CUX1: variants seen among roughly 807,000 people sequenced by gnomAD.
CUX1 encodes protein CASP.
A neutral mutation model predicts 158.8 loss-of-function variants in CUX1; 31 were observed. The ratio of observed to expected loss-of-function variants is 0.20; its 90% confidence interval spans 0.15 to 0.26. The LOEUF is 0.26. Ranked by LOEUF, CUX1 falls within the 10% of genes least tolerant of loss-of-function variation. CUX1 has a pLI of 1.00. For missense variants in CUX1, 1,589 were observed against 2,014.6 expected (o/e 0.79, Z 4.04); for synonymous variants, 879 against 862.1 (o/e 1.02, Z -0.34).
intron 8 of CUX1, among the ~76,000 whole-genome samples, chr7:102,152,299 T>C (rs1429901128): frequency 6.6e-6 from 1 of 152,304 alleles, no homozygotes; most frequent in African/African-American, 2.4e-5. Context: ...GAGGCTGCAG[T>C]GAGCTATGAT....
intron 2 of CUX1, among the ~76,000 whole-genome samples, chr7:102,020,042 T>C (rs1289797812): frequency 6.6e-6 from 1 of 152,184 alleles, no homozygotes; most frequent in African/African-American, 2.4e-5. Context: ...ACTGTAAAAA[T>C]AGGTCAAGAA....
chr7:102,175,970 G>T (rs1318255466), intron 10 of CUX1, among the ~76,000 whole-genome samples: 1 of 152,212 alleles, frequency 6.6e-6, no homozygotes, highest in Non-Finnish European at 1.5e-5. Context: ...TTGCAAATTG[G>T]CAACGATCCC....
In CUX1 at chr7:102,258,126, A is replaced by G. The variant is rs576675498; in HGVS notation, c.*9084A>G. The G allele has an allele frequency of 1.0e-6, 1 of 985,334 alleles. No homozygotes were observed. The highest frequency in any genetic ancestry group is 4.7e-5 in the South Asian group (1 of 21,288). The allele number at this position is 985,334 out of a possible 1,614,324, so 61.0% of individuals were successfully genotyped here. A position where few individuals can be genotyped will look rare whatever the true frequency, so the allele number is the denominator to read the frequency against. ...TTCTCAGCACTGTACAACGGTCCCT[A>G]TATAATACGGAGAAGCAATATCACT... On this transcript the variant is annotated 3_prime_UTR_variant, in exon 24 of 24. Coordinates refer to ENST00000292535, the MANE Select transcript of CUX1 (RefSeq NM_181552.4).
At chr7:101,972,437 G>T (rs546207325) in intron 2 of CUX1, among the ~76,000 whole-genome samples, 2 of 152,158 alleles carry the variant, frequency 1.3e-5, no homozygotes, top group African/African-American at 2.4e-5. Context: ...TTGCCTCCTC[G>T]GACGGCATCT....
intron 19 of CUX1, chr7:102,280,688 G>T: frequency 9.8e-7 from 1 of 1,015,302 alleles, no homozygotes. Flanking sequence ...GCCCCCTGGG[G>T]GTCTGCAAGA....
intron 3 of CUX1, among the ~76,000 whole-genome samples, chr7:102,052,541 T>C (rs1325473053): frequency 6.6e-6 from 1 of 152,216 alleles, no homozygotes; most frequent in Non-Finnish European, 1.5e-5. Flanking sequence ...TATCAGCTGA[T>C]GGCCATTTGG....
chr7:101,922,671 G>T (rs1290588753), intron 2 of CUX1, among the ~76,000 whole-genome samples: 1 of 152,140 alleles, frequency 6.6e-6, no homozygotes, highest in Non-Finnish European at 1.5e-5. Context: ...GAGGGAGGAG[G>T]GGGGATTCTA....
At chr7:102,080,124 G>A (rs782325487) in intron 4 of CUX1, among the ~76,000 whole-genome samples, 4 of 152,154 alleles carry the variant, frequency 2.6e-5, no homozygotes, top group Non-Finnish European at 4.4e-5. Context: ...AGGTTTTGCC[G>A]GCTGCCGTCC....
chr7:102,000,103 T>C (rs1816499029), intron 2 of CUX1, among the ~76,000 whole-genome samples: 1 of 152,072 alleles, frequency 6.6e-6, no homozygotes, highest in Non-Finnish European at 1.5e-5. Context: ...GTAATCCCAG[T>C]TACTCAGAAG....
intron 2 of CUX1, among the ~76,000 whole-genome samples, chr7:102,021,497 G>A (rs531257641): frequency 2.8e-4 from 43 of 152,060 alleles, no homozygotes; most frequent in Non-Finnish European, 4.7e-4. Context: ...TTCTAGAGAC[G>A]GGATTTCACC....
intron 2 of CUX1, among the ~76,000 whole-genome samples, chr7:101,986,044 G>A (rs750356396): frequency 1.9e-4 from 29 of 152,342 alleles, no homozygotes; most frequent in Admixed American, 1.6e-3. Context: ...GACCTGGGCT[G>A]CCCCAGATCT....
In CUX1 at chr7:102,239,396, C is replaced by G; in HGVS notation, c.3699C>G (p.Ser1233Arg). Residue 1233 changes from serine (S) to arginine (R), a missense_variant, in exon 23 of 24, where the codon AGC becomes AGG. This residue lies in a region of CUX1 where 259 missense variants were observed against 373.8 expected (regional missense o/e 0.69). Transcript: ENST00000292535. ...CGCCCTCTGTCGGCACCGAGTACAG[C>G]CAGGGCGCCAGCCCCCAGCCCCAGC... Reference protein sequence around the residue: ...CEPPSVGTEYSQGASPQPQHQ... With the variant: ...CEPPSVGTEYRQGASPQPQHQ... 6.2e-7 allele frequency: 1 copy of G among 1,613,484 alleles called. No individual in the cohort carries two copies. The highest frequency in any genetic ancestry group is 1.1e-5 in the South Asian group (1 of 91,082).
At chr7:102,172,545 C>T (rs392286) in intron 10 of CUX1, among the ~76,000 whole-genome samples, 10,139 of 152,186 alleles carry the variant, frequency 0.067, 390 homozygotes, top group African/African-American at 0.084. Flanking sequence ...TCATCATTCC[C>T]GGCCCTATTT....
At chr7:101,886,632 C>T (rs10234809) in intron 1 of CUX1, among the ~76,000 whole-genome samples, 100,307 of 152,050 alleles carry the variant, frequency 0.66, 33,741 homozygotes, top group East Asian at 0.95. Context: ...GGCTTAGGGT[C>T]CCCTGCGAGG....
chr7:102,268,401 C>T (rs1790962552), intron 14 of CUX1, among the ~76,000 whole-genome samples: 1 of 152,134 alleles, frequency 6.6e-6, no homozygotes, highest in Non-Finnish European at 1.5e-5. Context: ...GACCCCCTGA[C>T]CCTCCATATT....
At chr7:101,961,705 C>G (rs1276807356) in intron 2 of CUX1, 1 of 152,066 alleles carries the variant, frequency 6.6e-6, no homozygotes, top group Non-Finnish European at 1.5e-5. Flanking sequence ...CATAGTGAAG[C>G]CTTGTCTTTA....
chr7:102,202,270 A>G (rs1795527707), intron 18 of CUX1, 66 bp downstream of exon 18: 14 of 1,528,136 alleles, frequency 9.2e-6, no homozygotes, highest in Admixed American at 2.0e-5. Context: ...CCAAGTATCT[A>G]TCCCGCAGCC....
intron 1 of CUX1, among the ~76,000 whole-genome samples, chr7:101,826,976 G>A (rs924950944): frequency 2.0e-5 from 3 of 152,080 alleles, no homozygotes; most frequent in African/African-American, 7.2e-5. Flanking sequence ...ATATTAAAAT[G>A]GCTGTGTTTT....
intron 23 of CUX1, among the ~76,000 whole-genome samples, chr7:102,246,713 G>A (rs1013565898): frequency 7.2e-5 from 11 of 152,098 alleles, no homozygotes; most frequent in Non-Finnish European, 4.4e-5. Context: ...GGGATTACAG[G>A]TACCTGCCAC....
Sources: allele counts gnomAD v4.1 joint callset (sites outside exome capture counted in the v4.1 genomes callset), GRCh38; gene constraint gnomAD v4.1.1; regional missense constraint gnomAD v4.1.1; transcripts MANE v1.5; gene names NCBI Gene and HGNC (gene_info 2026-07-23, HGNC 2026-07-21).